Variants in SKAP2 observed in about 807,000 individuals in gnomAD.
SKAP2 encodes the protein src kinase associated phosphoprotein 2, also known as src kinase-associated phosphoprotein 2.
A neutral mutation model predicts 54.9 loss-of-function variants in SKAP2; 28 were observed. That is an observed-to-expected ratio of 0.51 (90% confidence interval 0.38 to 0.70). The LOEUF is 0.70. Among genes scored for constraint, SKAP2 ranks in the 30% least tolerant of loss-of-function variants. The pLI is 0.00. For missense variants in SKAP2, 356 were observed against 424.1 expected, an observed-to-expected ratio of 0.84 and a Z score of 1.41; for synonymous variants, 137 against 134.3, an observed-to-expected ratio of 1.02 and a Z score of -0.14.
intron 4 of SKAP2, among the ~76,000 whole-genome samples, chr7:26,813,163 G>A (rs934956783): frequency 6.6e-6 from 1 of 151,956 alleles, no homozygotes; most frequent in African/African-American, 2.4e-5. Context: ...ATTCTAGTTG[G>A]AGACTGCAAA....
At position 26,864,411 on chromosome 7, in the gene SKAP2, T is replaced by A. The variant is rs1209564946; in HGVS notation, c.19A>T (p.Thr7Ser). Residue 7 changes from threonine (T) to serine (S), a missense_variant, in exon 1 of 13, where the codon ACC (threonine) becomes TCC (serine). By Grantham distance (58) the Thr-to-Ser change is moderately conservative. Coordinates refer to ENST00000345317, the MANE Select transcript of SKAP2 (RefSeq NM_003930.5). MPNPSS[T>S]SSPYPLPEEI... ...TCAGGGAGGGGGTAGGGAGAGGAGGTGCTGCTGGGGTTGGGCATGTTAGGG... is the reference window on the plus strand; with the variant it reads ...TCAGGGAGGGGGTAGGGAGAGGAGGAGCTGCTGGGGTTGGGCATGTTAGGG... The A allele has an allele frequency of 5.0e-6, 8 of 1,609,920 alleles. No individual in the cohort carries two copies. Among genetic ancestry groups the A allele is most frequent in the Non-Finnish European group, 5.9e-6 (7 of 1,178,210 alleles).
At chr7:26,741,430 G>C (rs1412404303) in intron 4 of SKAP2, among the ~76,000 whole-genome samples, 1 of 151,784 alleles carries the variant, frequency 6.6e-6, no homozygotes, top group Non-Finnish European at 1.5e-5. Context: ...GGGTAGAGGT[G>C]GGGGGAAGGG....
intron 4 of SKAP2, among the ~76,000 whole-genome samples, chr7:26,801,956 C>T (rs891156011): frequency 1.3e-5 from 2 of 151,970 alleles, no homozygotes; most frequent in Non-Finnish European, 2.9e-5. Flanking sequence ...TCAATGCAAT[C>T]CCTATCAAAA....
At chr7:26,761,280 A>G (rs1329938259) in intron 4 of SKAP2, among the ~76,000 whole-genome samples, 1 of 152,240 alleles carries the variant, frequency 6.6e-6, no homozygotes, top group Non-Finnish European at 1.5e-5. Context: ...AAAAAATTTA[A>G]TAATTTTAAC....
intron 4 of SKAP2, among the ~76,000 whole-genome samples, chr7:26,743,253 C>T (rs1782493437): frequency 6.6e-6 from 1 of 152,156 alleles, no homozygotes; most frequent in African/African-American, 2.4e-5. Flanking sequence ...AGTAGGCATT[C>T]AGTAAACGTT....
At chr7:26,740,294 G>C (rs538629379) in intron 4 of SKAP2, among the ~76,000 whole-genome samples, 1 of 151,866 alleles carries the variant, frequency 6.6e-6, no homozygotes, top group African/African-American at 2.4e-5. Flanking sequence ...TCATAGCTTC[G>C]TTATATTTAT....
intron 4 of SKAP2, among the ~76,000 whole-genome samples, chr7:26,811,618 A>C (rs1414689189): frequency 6.6e-6 from 1 of 152,194 alleles, no homozygotes; most frequent in Non-Finnish European, 1.5e-5. Context: ...GGAGGGAAGA[A>C]ACTAGTCAGT....
intron 9 of SKAP2, among the ~76,000 whole-genome samples, chr7:26,712,491 C>T (rs1449143235): frequency 2.6e-5 from 4 of 152,128 alleles, no homozygotes; most frequent in Non-Finnish European, 4.4e-5. Context: ...CAATTCTTAA[C>T]ATATTTTTGT....
intron 11 of SKAP2, among the ~76,000 whole-genome samples, chr7:26,678,353 C>A (rs1186467181): frequency 6.6e-6 from 1 of 152,062 alleles, no homozygotes; most frequent in Admixed American, 6.6e-5. Context: ...AGGTCTCCAC[C>A]CTGCTCTTCC....
chr7:26,754,532 C>A (rs1433434630), intron 4 of SKAP2, among the ~76,000 whole-genome samples: 1 of 152,140 alleles, frequency 6.6e-6, no homozygotes, highest in Non-Finnish European at 1.5e-5. Flanking sequence ...GCTGACATAG[C>A]CCAATCGTAC....
chr7:26,725,389 G>A lies in SKAP2; in HGVS notation c.796+39C>T, dbSNP rs758157022. ...ACACACACTCACACACACACACACA[G>A]CCCTAAAATCTTTAAATGAATCACC... On this transcript the variant is annotated intron_variant, in intron 9 of 12. Coordinates refer to ENST00000345317, the MANE Select transcript of SKAP2 (RefSeq NM_003930.5). 24 of 1,479,568 alleles carry A rather than the reference G, an allele frequency of 1.6e-5. No individual in the cohort carries two copies. The African/African-American group carries it at 2.9e-4, about 18-fold the overall frequency. The allele number at this position is 1,479,568 out of a possible 1,614,324, so 91.7% of individuals were successfully genotyped here.
intron 6 of SKAP2, among the ~76,000 whole-genome samples, chr7:26,734,756 C>T (rs1584358525): frequency 6.6e-6 from 1 of 152,136 alleles, no homozygotes; most frequent in African/African-American, 2.4e-5. Context: ...AGGGGTTCCA[C>T]AGCTCTCTCT....
rs546188460 is a variant in SKAP2, at chr7:26,713,668, C to T, written c.796+11760G>A. Among the ~76,000 whole-genome samples the T allele has an allele frequency of 1.3e-3, 192 of 151,712 alleles. 1 individual carries two copies. The highest frequency in any genetic ancestry group is 4.3e-3 in the African/African-American group (177 of 41,396). ...AGGCTGGAGTGCAGTGGCGCGATCTCGGCTCACTGCAAGCTCCGCCTCCTG... is the reference window on the plus strand; with the variant it reads ...AGGCTGGAGTGCAGTGGCGCGATCTTGGCTCACTGCAAGCTCCGCCTCCTG... On this transcript the variant is annotated intron_variant, in intron 9 of 12. Transcript: ENST00000345317.
chr7:26,767,064 T>G (rs1783073816), intron 4 of SKAP2, among the ~76,000 whole-genome samples: 1 of 152,214 alleles, frequency 6.6e-6, no homozygotes, highest in Non-Finnish European at 1.5e-5. Flanking sequence ...TTTTTGTATC[T>G]CTGGTACAAT....
At position 26,773,417 on chromosome 7, in the gene SKAP2, C is replaced by T. The variant is rs143609858; in HGVS notation, c.308-33453G>A. Among the ~76,000 whole-genome samples, 805 of 152,266 alleles carry T rather than the reference C, an allele frequency of 5.3e-3. 6 individuals are homozygous for T. The highest frequency in any genetic ancestry group is 0.018 in the African/African-American group (765 of 41,534). Reference sequence around the variant, plus strand: ...TAGGTATTTCTTGGTATGTTACAGGCTTTTCTCAGTTACATTCATTCTGCA... The same window carrying T: ...TAGGTATTTCTTGGTATGTTACAGGTTTTTCTCAGTTACATTCATTCTGCA... On this transcript the variant is annotated intron_variant, in intron 4 of 12. Coordinates refer to ENST00000345317, the MANE Select transcript of SKAP2 (RefSeq NM_003930.5).
chr7:26,708,768 T>C (rs1787228863), intron 9 of SKAP2, among the ~76,000 whole-genome samples: 1 of 152,162 alleles, frequency 6.6e-6, no homozygotes. Context: ...CCATTTCTTA[T>C]CATTTGTTAT....
Position 26,702,453 on chromosome 7 carries a change from C to T in SKAP2, c.797-12091G>A, listed in dbSNP as rs527354697. ...CCACTGCGCCCAGCCATGTTTGAAC[C>T]GTATCTCAAGAAAGAAAAAGATATG... On this transcript the variant is annotated intron_variant, in intron 9 of 12. Coordinates refer to ENST00000345317, the MANE Select transcript of SKAP2 (RefSeq NM_003930.5). Among the ~76,000 whole-genome samples, 3 of 152,084 alleles carry T rather than the reference C, an allele frequency of 2.0e-5. No homozygotes were observed. The East Asian group carries it at 5.8e-4, about 29-fold the overall frequency.
chr7:26,714,288 CCTT>C (rs1175586846), intron 9 of SKAP2, among the ~76,000 whole-genome samples: 1 of 151,932 alleles, frequency 6.6e-6, no homozygotes, highest in African/African-American at 2.4e-5. Context: ...AACTGAATGT[CCTT>C]ATTATATATA....
At chr7:26,850,962 T>C (rs115440923) in intron 3 of SKAP2, among the ~76,000 whole-genome samples, 4,355 of 152,122 alleles carry the variant, frequency 0.029, 205 homozygotes, top group African/African-American at 0.099. Flanking sequence ...AGTGAAAAAT[T>C]AGCCTAATAC....
Sources: allele counts gnomAD v4.1 joint callset (sites outside exome capture counted in the v4.1 genomes callset), GRCh38; gene constraint gnomAD v4.1.1; transcripts MANE v1.5; gene names NCBI Gene and HGNC (gene_info 2026-07-23, HGNC 2026-07-21).